Variants in ASTN1 observed in about 807,000 individuals in gnomAD.
ASTN1 encodes the protein astrotactin-1.
ASTN1 carries 41 observed loss-of-function variants against 140.7 expected under a neutral mutation model. The ratio of observed to expected loss-of-function variants is 0.29; its 90% CI spans 0.23 to 0.38. The LOEUF (loss-of-function observed/expected upper bound fraction) is 0.38. ASTN1 is among the 10% of genes least tolerant of loss of function. The pLI is 1.00. For synonymous variants in ASTN1, 640 were observed against 652.2 expected (o/e 0.98, Z 0.29); for missense variants, 1,479 against 1,678.8 (o/e 0.88, Z 2.08).
intron 1 of ASTN1, 82 bp downstream of exon 1, chr1:177,164,312 T>C: frequency 8.1e-7 from 1 of 1,233,452 alleles, no homozygotes; most frequent in Non-Finnish European, 1.0e-6. Context: ...CGTCGGCGAG[T>C]GGGTGTGTAG....
intron 20 of ASTN1, among the ~76,000 whole-genome samples, chr1:176,877,175 C>T (rs1367252874): frequency 6.6e-6 from 1 of 152,216 alleles, no homozygotes; most frequent in Non-Finnish European, 1.5e-5. Context: ...AATAAGACTA[C>T]TTGTAAGCCA....
At chr1:177,124,201 T>C (rs1486306383) in intron 1 of ASTN1, among the ~76,000 whole-genome samples, 1 of 152,178 alleles carries the variant, frequency 6.6e-6, no homozygotes, top group East Asian at 1.9e-4. Context: ...AGCCAGCATT[T>C]GAAATCCCAG....
rs202091039 is a variant in ASTN1 at position 176,917,602 on chromosome 1, A to T, written c.2671+16550T>A. 7.9e-5 allele frequency among the ~76,000 whole-genome samples: 12 copies of T among 152,208 alleles called. No individual in the cohort carries two copies. In the East Asian group the frequency reaches 2.3e-3, roughly 30 times the overall value. On this transcript the variant is annotated intron_variant, in intron 16 of 22. Coordinates refer to ENST00000361833, the MANE Select transcript of ASTN1 (RefSeq NM_004319.3). ...ATTGCTTTGGGAGGGAAGGATGATG[A>T]ATTATGAAGCCTTGGGTTCCAGTTT...
At chr1:176,889,824 T>A (rs1478710749) in intron 17 of ASTN1, among the ~76,000 whole-genome samples, 3 of 152,088 alleles carry the variant, frequency 2.0e-5, no homozygotes, top group Non-Finnish European at 4.4e-5. Context: ...CATAGGGTGG[T>A]GAAAAGGGCA....
Position 177,003,579 on chromosome 1 carries a change from G to A in ASTN1, c.1523+11212C>T, listed in dbSNP as rs529096919. The stretch of plus-strand genomic sequence containing the variant: ...TAATCCCAGCACCTTGGAAGGCCAA[G>A]GCAGGAGGATTACCTGAAGTTGGAA... On this transcript the variant is annotated intron_variant, in intron 8 of 22. Coordinates refer to ENST00000361833, the MANE Select transcript of ASTN1 (RefSeq NM_004319.3). Among the ~76,000 whole-genome samples, 25 of 152,264 alleles carry A rather than the reference G, an allele frequency of 1.6e-4. No homozygotes were observed. The South Asian group carries it at 5.0e-3, about 30-fold the overall frequency.
chr1:176,870,109 A>T (rs866159728), intron 21 of ASTN1, among the ~76,000 whole-genome samples: 38 of 152,340 alleles, frequency 2.5e-4, no homozygotes, highest in African/African-American at 8.2e-4. Context: ...TTTTTCTTAC[A>T]GAGCTCAAAG....
At chr1:177,040,155 T>C (rs1412030255) in intron 2 of ASTN1, among the ~76,000 whole-genome samples, 1 of 152,234 alleles carries the variant, frequency 6.6e-6, no homozygotes, top group Non-Finnish European at 1.5e-5. Flanking sequence ...CCTTCGCAGA[T>C]GAAAGGCAAG....
At chr1:176,915,370 C>A (rs1218783224) in intron 16 of ASTN1, among the ~76,000 whole-genome samples, 1 of 152,184 alleles carries the variant, frequency 6.6e-6, no homozygotes, top group African/African-American at 2.4e-5. Context: ...ATCAGGCAAG[C>A]ACTGAGTATC....
intron 2 of ASTN1, among the ~76,000 whole-genome samples, chr1:177,055,830 C>T (rs1677775442): frequency 6.6e-6 from 1 of 152,106 alleles, no homozygotes; most frequent in African/African-American, 2.4e-5. Context: ...GCAAAAGTGA[C>T]CTTGATTAAT....
intron 8 of ASTN1, among the ~76,000 whole-genome samples, chr1:177,003,246 A>G (rs1273463840): frequency 6.6e-6 from 1 of 150,576 alleles, no homozygotes; most frequent in Non-Finnish European, 1.5e-5. Flanking sequence ...CTCCAACAAA[A>G]TACTAGCAAA....
intron 22 of ASTN1, 140 bp from the exon 23 acceptor site, chr1:176,864,661 G>A: frequency 1.7e-6 from 2 of 1,186,668 alleles, no homozygotes; most frequent in South Asian, 1.7e-5. Flanking sequence ...TTTGGCACTT[G>A]GAACAGTGAG....
At chr1:176,951,134 AGCTG>A (rs1672176362) in intron 11 of ASTN1, among the ~76,000 whole-genome samples, 1 of 152,216 alleles carries the variant, frequency 6.6e-6, no homozygotes, top group East Asian at 1.9e-4. Context: ...CCATGAAGGC[AGCTG>A]GAGTGCTGGA....
intron 8 of ASTN1, among the ~76,000 whole-genome samples, chr1:176,996,287 T>TCA (rs35261045): frequency 0.29 from 39,355 of 135,988 alleles, 5,753 homozygotes; most frequent in Non-Finnish European, 0.36. Context: ...TCTCTCTCTC[T>TCA]CTCACACACA....
At chr1:176,858,546 A>G (rs1667876667), downstream of ASTN1, among the ~76,000 whole-genome samples, 1 of 152,222 alleles carries the variant, frequency 6.6e-6, no homozygotes, top group Non-Finnish European at 1.5e-5. Flanking sequence ...ATTAAAGCAT[A>G]GTAAAAGGCA....
At chr1:176,934,371 T>G in intron 15 of ASTN1, 31 bp from the exon 16 acceptor site, 1 of 1,564,896 alleles carries the variant, frequency 6.4e-7, no homozygotes, top group South Asian at 1.2e-5. Context: ...AGGGTAAGAA[T>G]GAGGGCTCAG....
chr1:177,156,041 G>C (rs974132963), intron 1 of ASTN1, among the ~76,000 whole-genome samples: 2 of 152,016 alleles, frequency 1.3e-5, no homozygotes, highest in African/African-American at 4.8e-5. Flanking sequence ...GGAGGCTGAG[G>C]CGGGCAGATC....
intron 1 of ASTN1, among the ~76,000 whole-genome samples, chr1:177,072,442 A>G (rs1310783994): frequency 6.6e-6 from 1 of 152,138 alleles, no homozygotes; most frequent in Admixed American, 6.6e-5. Context: ...TGTGTAAGGT[A>G]CTCATCACTG....
At chr1:176,886,614 G>C (rs1669041381) in intron 18 of ASTN1, among the ~76,000 whole-genome samples, 1 of 152,232 alleles carries the variant, frequency 6.6e-6, no homozygotes, top group Non-Finnish European at 1.5e-5. Context: ...AGAGAAGACA[G>C]ACTGTGGACA....
chr1:176,966,597 T>G (rs556502403), intron 8 of ASTN1, among the ~76,000 whole-genome samples: 9 of 152,292 alleles, frequency 5.9e-5, no homozygotes, highest in African/African-American at 2.2e-4. Flanking sequence ...TACTTTATAA[T>G]TTGAGCGGAG....
Sources: allele counts gnomAD v4.1 joint callset (sites outside exome capture counted in the v4.1 genomes callset), GRCh38; gene constraint gnomAD v4.1.1; transcripts MANE v1.5; gene names NCBI Gene and HGNC (gene_info 2026-07-23, HGNC 2026-07-21).